RACGAP1: variants seen among roughly 807,000 people sequenced by gnomAD.
RACGAP1 encodes the protein rac GTPase-activating protein 1.
A neutral mutation model predicts 78.1 loss-of-function variants in RACGAP1; 30 were observed. The ratio of observed to expected loss-of-function variants is 0.38; its 90% CI spans 0.29 to 0.52. The LOEUF is 0.52. Ranked by LOEUF, RACGAP1 falls within the 20% of genes least tolerant of loss-of-function variation. The probability of loss-of-function intolerance (pLI) is 0.82; values close to 1 mark genes in which losing one functional copy is unlikely to be tolerated. For synonymous variants in RACGAP1, 231 were observed against 264.8 expected (o/e 0.87, Z 1.24); for missense variants, 587 against 777.1 (o/e 0.76, Z 2.91).
chr12:50,028,524 T>G (rs1290957844), upstream of RACGAP1, among the ~76,000 whole-genome samples: 1 of 152,188 alleles, frequency 6.6e-6, no homozygotes, highest in Non-Finnish European at 1.5e-5. Context: ...ATCCCAGCCC[T>G]TTGGGAGGCC....
At chr12:50,026,667 A>G (rs1294816173), upstream of RACGAP1, among the ~76,000 whole-genome samples, 1 of 152,188 alleles carries the variant, frequency 6.6e-6, no homozygotes, top group African/African-American at 2.4e-5. Flanking sequence ...TCACATCACA[A>G]ATTTTGTAAC....
chr12:49,999,859 T>G (rs1948547122), intron 7 of RACGAP1, 126 bp from the exon 8 acceptor site: 1 of 603,510 alleles, frequency 1.7e-6, no homozygotes, highest in Admixed American at 2.7e-5. Context: ...AGTCTGATAC[T>G]TTTTTTTTGA....
At chr12:50,001,064 A>C in intron 7 of RACGAP1, 108 bp downstream of exon 7, 3 of 935,904 alleles carry the variant, frequency 3.2e-6, no homozygotes, top group Non-Finnish European at 4.7e-6. Context: ...ACAAACAAAA[A>C]CTTTAACTAA....
chr12:50,018,517 C>G, intron 1 of RACGAP1: 1 of 1,284,556 alleles, frequency 7.8e-7, no homozygotes, highest in Non-Finnish European at 1.0e-6. Flanking sequence ...GCAACATACC[C>G]TAAGTGCTAC....
chr12:50,006,002 G>A (rs911020268), intron 3 of RACGAP1, among the ~76,000 whole-genome samples: 1 of 152,120 alleles, frequency 6.6e-6, no homozygotes, highest in Non-Finnish European at 1.5e-5. Context: ...ATTAGAGAGG[G>A]GTGATGAAAA....
intron 2 of RACGAP1, among the ~76,000 whole-genome samples, chr12:50,013,661 C>T (rs1254750372): frequency 6.6e-6 from 1 of 152,222 alleles, no homozygotes; most frequent in Non-Finnish European, 1.5e-5. Context: ...CACCCCCTTA[C>T]TCCTATTTCC....
rs561998372 is a variant in RACGAP1, at chr12:50,020,200, C to CG, written c.-4-3482dup. ...AGTGAATTTGACTTTTTTTCTGAGA[C>CG]GGTGTCTTGCTCTGTCACCCAGGCT... On this transcript the variant is annotated intron_variant, in intron 1 of 16. Coordinates refer to ENST00000312377, the MANE Select transcript of RACGAP1 (RefSeq NM_001319999.2). 1.7e-4 allele frequency among the ~76,000 whole-genome samples: 26 copies of CG among 152,212 alleles called. 1 individual carries two copies. The South Asian group carries it at 5.4e-3, about 32-fold the overall frequency.
rs922221718 is a variant in RACGAP1 at position 49,997,593 on chromosome 12, G to A, written c.880-389C>T. Among the ~76,000 whole-genome samples, 31 of 145,482 alleles carry A rather than the reference G, an allele frequency of 2.1e-4. 1 individual carries two copies. Among genetic ancestry groups the A allele is most frequent in the African/African-American group, 7.9e-4 (31 of 39,132 alleles). Reference sequence around the variant, plus strand: ...CTGGCCTTTTTTTGTCTTTTTTTGAGACAGAGTTTCGCTCTTGTTGCCCAG... The same window carrying A: ...CTGGCCTTTTTTTGTCTTTTTTTGAAACAGAGTTTCGCTCTTGTTGCCCAG... On this transcript the variant is annotated intron_variant, in intron 9 of 16. Coordinates refer to ENST00000312377, the MANE Select transcript of RACGAP1 (RefSeq NM_001319999.2).
intron 7 of RACGAP1, among the ~76,000 whole-genome samples, chr12:50,000,556 C>A (rs548160208): frequency 3.4e-4 from 52 of 151,928 alleles, no homozygotes; most frequent in African/African-American, 1.2e-3. Context: ...TCACTTGAGC[C>A]CCGCAGTTCG....
intron 6 of RACGAP1, among the ~76,000 whole-genome samples, chr12:50,002,027 T>C (rs1241078375): frequency 6.8e-6 from 1 of 146,872 alleles, no homozygotes; most frequent in African/African-American, 2.5e-5. Flanking sequence ...ATCGCGCCAT[T>C]GCACTCCAGC....
chr12:49,996,164 A>G (rs11169238), intron 10 of RACGAP1, among the ~76,000 whole-genome samples: 6,303 of 151,834 alleles, frequency 0.042, 406 homozygotes, highest in African/African-American at 0.14. Flanking sequence ...ATACAAAAAA[A>G]TTAGTTGAGC....
chr12:50,032,505 C>A (rs1203974240), intron 1 of RACGAP1, among the ~76,000 whole-genome samples: 2 of 151,356 alleles, frequency 1.3e-5, no homozygotes. Flanking sequence ...GCTGCACCCG[C>A]CCCAGCGAGA....
chr12:50,027,941 G>A (rs1169742404), upstream of RACGAP1, among the ~76,000 whole-genome samples: 1 of 152,212 alleles, frequency 6.6e-6, no homozygotes, highest in African/African-American at 2.4e-5. Context: ...TGAGTGTGAT[G>A]CTTCTTGAGT....
chr12:50,010,466 G>C (rs1157924686), intron 2 of RACGAP1, among the ~76,000 whole-genome samples: 1 of 151,896 alleles, frequency 6.6e-6, no homozygotes, highest in Non-Finnish European at 1.5e-5. Context: ...TGGGATTACA[G>C]GTGAATGCTA....
intron 1 of RACGAP1, among the ~76,000 whole-genome samples, chr12:50,020,090 T>C (rs1949922445): frequency 6.6e-6 from 1 of 152,156 alleles, no homozygotes; most frequent in Non-Finnish European, 1.5e-5. Context: ...ACTATACAAT[T>C]AGAAAGAAAA....
intron 4 of RACGAP1, 131 bp from the exon 5 acceptor site, chr12:50,004,435 A>G (rs538835567): frequency 7.3e-7 from 1 of 1,369,046 alleles, no homozygotes; most frequent in South Asian, 1.7e-5. Context: ...CTATAGAGAC[A>G]ATTACAATCT....
chr12:50,016,604 T>C, intron 2 of RACGAP1, 27 bp downstream of exon 2: 1 of 1,597,192 alleles, frequency 6.3e-7, no homozygotes, highest in Non-Finnish European at 8.6e-7. Context: ...GTTTTTCCTT[T>C]GGACAGGCCA....
intron 8 of RACGAP1, 76 bp from the exon 9 acceptor site, chr12:49,999,347 G>A: frequency 6.6e-7 from 1 of 1,509,104 alleles, no homozygotes; most frequent in Non-Finnish European, 8.9e-7. Context: ...AATTTTAACT[G>A]GGAGATAAAC....
Position 49,990,291 on chromosome 12 carries a change from A to T in RACGAP1, c.1876T>A (p.Phe626Ile). Residue 626 changes from phenylalanine (F) to isoleucine (I), a missense_variant, in exon 17 of 17, where the codon TTT becomes ATT. By Grantham distance (21) the Phe-to-Ile change is conservative. Coordinates refer to ENST00000312377, the MANE Select transcript of RACGAP1 (RefSeq NM_001319999.2). ...ATNLGRQGNF[F>I]ASPMLK Reference sequence around the variant, plus strand: ...CTTCACTTGAGCATTGGAGAAGCAAAAAAGTTGCCTTGTCGTCCTAGGTTA... The same window carrying T: ...CTTCACTTGAGCATTGGAGAAGCAATAAAGTTGCCTTGTCGTCCTAGGTTA... 6.2e-7 allele frequency: 1 copy of T among 1,614,002 alleles called. No homozygotes were observed. The highest frequency in any genetic ancestry group is 8.5e-7 in the Non-Finnish European group (1 of 1,179,858).
Sources: allele counts gnomAD v4.1 joint callset (sites outside exome capture counted in the v4.1 genomes callset), GRCh38; gene constraint gnomAD v4.1.1; transcripts MANE v1.5; gene names NCBI Gene and HGNC (gene_info 2026-07-23, HGNC 2026-07-21).